MBD5: variants seen among roughly 807,000 people sequenced by gnomAD.
MBD5 encodes the protein methyl-CpG-binding domain protein 5.
Under a neutral mutation model 117.3 loss-of-function variants are expected in MBD5, and 13 were observed. That is an observed-to-expected ratio of 0.11 (90% CI 0.07 to 0.18). MBD5 has a LOEUF of 0.18. Ranked by LOEUF, MBD5 falls within the 10% of genes least tolerant of loss-of-function variation. MBD5 has a pLI of 1.00. For missense variants in MBD5, 1,879 were observed against 2,093.8 expected (o/e 0.90, Z 2.00); for synonymous variants, 727 against 766.4 (o/e 0.95, Z 0.85).
intron 1 of MBD5, among the ~76,000 whole-genome samples, chr2:148,143,442 C>A (rs1436426681): frequency 6.6e-6 from 1 of 152,156 alleles, no homozygotes; most frequent in Non-Finnish European, 1.5e-5. Flanking sequence ...ACTTCATACA[C>A]TATCTACATT....
chr2:148,247,199 A>G (rs1378327452), intron 3 of MBD5, among the ~76,000 whole-genome samples: 1 of 152,094 alleles, frequency 6.6e-6, no homozygotes, highest in Non-Finnish European at 1.5e-5. Flanking sequence ...TATAAATATT[A>G]CTTTTTATTC....
intron 1 of MBD5, among the ~76,000 whole-genome samples, chr2:148,076,891 T>C (rs887013408): frequency 6.6e-6 from 1 of 152,230 alleles, no homozygotes; most frequent in African/African-American, 2.4e-5. Context: ...AGTAATTTTA[T>C]ATTGGAGATT....
intron 1 of MBD5, among the ~76,000 whole-genome samples, chr2:148,095,448 A>G (rs949428935): frequency 9.2e-5 from 14 of 152,276 alleles, no homozygotes; most frequent in African/African-American, 3.4e-4. Flanking sequence ...TAATCCCTGT[A>G]ATACACATGC....
chr2:148,063,415 G>A (rs1695094078), intron 1 of MBD5, among the ~76,000 whole-genome samples: 1 of 152,164 alleles, frequency 6.6e-6, no homozygotes, highest in African/African-American at 2.4e-5. Flanking sequence ...TCTAATGCAA[G>A]TGTCAGCACA....
At chr2:148,405,415 A>C (rs531015693) in intron 4 of MBD5, among the ~76,000 whole-genome samples, 1 of 152,220 alleles carries the variant, frequency 6.6e-6, no homozygotes, top group Non-Finnish European at 1.5e-5. Context: ...CCTATGCCCC[A>C]TGAATTATGA....
At chr2:148,384,121 CAGG>C (rs1160560002) in intron 4 of MBD5, among the ~76,000 whole-genome samples, 1 of 151,962 alleles carries the variant, frequency 6.6e-6, no homozygotes, top group Admixed American at 6.6e-5. Context: ...GGCAATCAGG[CAGG>C]AGAAGGAAAT....
intron 4 of MBD5, among the ~76,000 whole-genome samples, chr2:148,421,506 G>A (rs1168311361): frequency 6.6e-6 from 1 of 151,964 alleles, no homozygotes; most frequent in African/African-American, 2.4e-5. Context: ...GGCTGTTTGG[G>A]CAGACACGAA....
chr2:148,067,166 A>T (rs1248967481), intron 1 of MBD5, among the ~76,000 whole-genome samples: 1 of 152,174 alleles, frequency 6.6e-6, no homozygotes, highest in Non-Finnish European at 1.5e-5. Context: ...TAGAATGCAA[A>T]AGTACAGTCT....
intron 2 of MBD5, among the ~76,000 whole-genome samples, chr2:148,230,924 C>A (rs922255484): frequency 1.3e-5 from 2 of 152,140 alleles, no homozygotes; most frequent in Non-Finnish European, 2.9e-5. Flanking sequence ...ATCCAAGATC[C>A]CAGAGTCCTC....
intron 3 of MBD5, among the ~76,000 whole-genome samples, chr2:148,307,690 G>A (rs539873770): frequency 1.7e-4 from 26 of 151,990 alleles, no homozygotes; most frequent in South Asian, 4.2e-4. Flanking sequence ...TGTGCAGAAC[G>A]TACAGGTTTA....
intron 2 of MBD5, among the ~76,000 whole-genome samples, chr2:148,196,822 C>G (rs908628458): frequency 6.6e-6 from 1 of 151,736 alleles, no homozygotes; most frequent in African/African-American, 2.4e-5. Context: ...CTTTTATAAG[C>G]AAAGGGAGTG....
chr2:148,359,469 ATCC>A (rs1274397357), intron 4 of MBD5, among the ~76,000 whole-genome samples: 6 of 152,188 alleles, frequency 3.9e-5, no homozygotes, highest in Admixed American at 3.9e-4. Context: ...TAATATCAAA[ATCC>A]TCCTACTATA....
chr2:148,386,437 G>A (rs1054136750), intron 4 of MBD5, among the ~76,000 whole-genome samples: 46 of 152,072 alleles, frequency 3.0e-4, no homozygotes, highest in Non-Finnish European at 5.3e-4. Flanking sequence ...ACTTTATGCC[G>A]GCCGGGCGCG....
At chr2:148,338,410 A>C (rs1702850966) in intron 3 of MBD5, among the ~76,000 whole-genome samples, 1 of 152,156 alleles carries the variant, frequency 6.6e-6, no homozygotes, top group South Asian at 2.1e-4. Context: ...TCATTCAAAA[A>C]CATTTATTGG....
chr2:148,363,655 C>T (rs186713001), intron 4 of MBD5, among the ~76,000 whole-genome samples: 4 of 152,082 alleles, frequency 2.6e-5, no homozygotes, highest in Admixed American at 6.6e-5. Context: ...GACCTCTATA[C>T]CTGATGGAGC....
In MBD5 at chr2:148,483,516, C is replaced by T; in HGVS notation, c.2925C>T (p.Asp975=). ...CTGCTTTAGCTTTTCTCTCCAGTGA[C>T]ATGGATGGGCAGGTATTGCAGCCTG... is the stretch of plus-strand genomic sequence containing the variant. ...VNAALAFLSS[D]MDGQVLQPVH... Residue 975 remains aspartate (D), a synonymous_variant, in exon 9 of 14, where the codon GAC becomes GAT. Coordinates refer to ENST00000642680, the MANE Select transcript of MBD5 (RefSeq NM_001378120.1). 5.6e-6 allele frequency: 9 copies of T among 1,610,254 alleles called. No homozygotes were observed. Among genetic ancestry groups the T allele is most frequent in the Non-Finnish European group, 7.6e-6 (9 of 1,177,846 alleles).
At chr2:148,223,456 G>A (rs1699742977) in intron 2 of MBD5, among the ~76,000 whole-genome samples, 2 of 151,974 alleles carry the variant, frequency 1.3e-5, no homozygotes, top group South Asian at 2.1e-4. Context: ...GGTTTGTTCA[G>A]GTTTTGGATT....
In MBD5 at chr2:148,464,761, C is replaced by T. The variant is rs147860987; in HGVS notation, c.397+842C>T. 1.3e-3 allele frequency among the ~76,000 whole-genome samples: 190 copies of T among 143,038 alleles called. 2 individuals carry two copies. The East Asian group carries it at 0.034, about 26-fold the overall frequency. 93.8% of individuals were successfully genotyped at this position (143,038 alleles called of 152,430 possible). A position where few individuals can be genotyped will look rare whatever the true frequency, so the allele number is the denominator to read the frequency against. On this transcript the variant is annotated intron_variant, in intron 7 of 13. Coordinates refer to ENST00000642680, the MANE Select transcript of MBD5 (RefSeq NM_001378120.1). ...ATCGCTTGAGGCTAGGAGTTTGAGA[C>T]GAGCTTAGACAATACAGCAAGACCT...
At chr2:148,507,508 C>T (rs1276710496) in intron 12 of MBD5, among the ~76,000 whole-genome samples, 2 of 152,004 alleles carry the variant, frequency 1.3e-5, no homozygotes, top group African/African-American at 4.8e-5. Flanking sequence ...GCCTGTAATC[C>T]CAGCACTTTG....
Sources: allele counts gnomAD v4.1 joint callset (sites outside exome capture counted in the v4.1 genomes callset), GRCh38; gene constraint gnomAD v4.1.1; transcripts MANE v1.5; gene names NCBI Gene and HGNC (gene_info 2026-07-23, HGNC 2026-07-21).